TMEM232: variants seen among roughly 807,000 people sequenced by gnomAD.
The protein encoded by TMEM232 is transmembrane protein 232.
Under a neutral mutation model 78.8 loss-of-function variants are expected in TMEM232, and 80 were observed. That is an observed-to-expected ratio of 1.01 (90% CI 0.85 to 1.22). The LOEUF is 1.22. TMEM232 is among the 50% of genes most tolerant of loss of function. The pLI is 0.00. For synonymous variants in TMEM232, 297 were observed against 254.3 expected, an observed-to-expected ratio of 1.17 and a Z score of -1.60; for missense variants, 881 against 742.2, an observed-to-expected ratio of 1.19 and a Z score of -2.17.
chr5:110,461,464 A>T (rs548815527), intron 12 of TMEM232, among the ~76,000 whole-genome samples: 4 of 152,314 alleles, frequency 2.6e-5, no homozygotes, highest in African/African-American at 9.6e-5. Context: ...TTCCTATATC[A>T]TAACAGTGCA....
At chr5:110,713,294 CA>C in intron 1 of TMEM232, among the ~76,000 whole-genome samples, 1 of 151,866 alleles carries the variant, frequency 6.6e-6, no homozygotes, top group Non-Finnish European at 1.5e-5. Flanking sequence ...TTAATAAGTG[CA>C]AAATATTTAT....
Position 110,470,012 on chromosome 5 carries a change from T to C in TMEM232, c.1704-45096A>G, listed in dbSNP as rs369813934. On this transcript the variant is annotated intron_variant, in intron 12 of 13. Transcript: ENST00000455884. ...CCCCAGCAACAGCCATACTCTACCATGTTGGAGTTCGTACTCCTGCTGCAT... is the reference window on the plus strand; with the variant it reads ...CCCCAGCAACAGCCATACTCTACCACGTTGGAGTTCGTACTCCTGCTGCAT... Among the ~76,000 whole-genome samples, 60 of 152,176 alleles carry C rather than the reference T, an allele frequency of 3.9e-4. 2 individuals carry two copies. The South Asian group carries it at 9.5e-3, about 24-fold the overall frequency.
intron 3 of TMEM232, among the ~76,000 whole-genome samples, 166 bp downstream of exon 3, chr5:110,642,094 T>C (rs1233947670): frequency 1.3e-5 from 2 of 152,158 alleles, no homozygotes; most frequent in African/African-American, 2.4e-5. Context: ...CTTTTATTAT[T>C]TGGTTATAAG....
chr5:110,642,939 CCAATG>C (rs1175811080), intron 2 of TMEM232, among the ~76,000 whole-genome samples: 1 of 151,960 alleles, frequency 6.6e-6, no homozygotes, highest in Non-Finnish European at 1.5e-5. Flanking sequence ...GCAAATTTCT[CCAATG>C]CTATACTGAG....
chr5:110,723,315 A>G (rs1426342112), intron 1 of TMEM232, among the ~76,000 whole-genome samples: 2 of 152,182 alleles, frequency 1.3e-5, no homozygotes, highest in Non-Finnish European at 2.9e-5. Context: ...TATGTGTTCA[A>G]TCAGAAACAT....
chr5:110,552,411 T>C (rs1444987057), intron 11 of TMEM232, among the ~76,000 whole-genome samples: 1 of 152,048 alleles, frequency 6.6e-6, no homozygotes, highest in Non-Finnish European at 1.5e-5. Flanking sequence ...CATCAAAAAT[T>C]ACATTACATG....
intron 10 of TMEM232, among the ~76,000 whole-genome samples, chr5:110,589,120 ATATAT>A (rs1779193350): frequency 1.3e-5 from 2 of 152,162 alleles, no homozygotes; most frequent in African/African-American, 4.8e-5. Context: ...TAGTAAAGAT[ATATAT>A]TATAAGTCAT....
intron 3 of TMEM232, among the ~76,000 whole-genome samples, chr5:110,390,953 TACA>T (rs1755154178): frequency 6.6e-6 from 1 of 152,216 alleles, no homozygotes; most frequent in Admixed American, 6.5e-5. Flanking sequence ...TCCATTATAA[TACA>T]CACACTCTAG....
chr5:110,738,504 C>G (rs375702864), upstream of TMEM232, among the ~76,000 whole-genome samples: 24 of 152,216 alleles, frequency 1.6e-4, 2 homozygotes, highest in East Asian at 1.4e-3. Context: ...CTCTGGTGGT[C>G]CACAGTACTT....
chr5:110,713,605 T>G (rs138418550), intron 1 of TMEM232, among the ~76,000 whole-genome samples: 1 of 152,122 alleles, frequency 6.6e-6, no homozygotes, highest in African/African-American at 2.4e-5. Flanking sequence ...ATTTCAAAAT[T>G]TGAAAAACAA....
At chr5:110,391,326 T>TGTGTGTGTGA (rs549361387) in intron 3 of TMEM232, among the ~76,000 whole-genome samples, 30 of 139,920 alleles carry the variant, frequency 2.1e-4, no homozygotes, top group African/African-American at 7.6e-4. Context: ...TGTGTGTGTG[T>TGTGTGTGTGA]GAGAGAGAGA....
At chr5:110,483,019 A>C (rs2149399997) in intron 12 of TMEM232, among the ~76,000 whole-genome samples, 1 of 152,306 alleles carries the variant, frequency 6.6e-6, no homozygotes, top group South Asian at 2.1e-4. Context: ...AGTACTACAT[A>C]AGTATAAAAG....
chr5:110,558,291 G>A (rs1168073612), intron 11 of TMEM232, among the ~76,000 whole-genome samples: 1 of 152,118 alleles, frequency 6.6e-6, no homozygotes, highest in Non-Finnish European at 1.5e-5. Flanking sequence ...CATCAGGGCA[G>A]TGATATGGCA....
chr5:110,507,494 C>G (rs1726448748), intron 12 of TMEM232, among the ~76,000 whole-genome samples: 1 of 152,186 alleles, frequency 6.6e-6, no homozygotes, highest in Non-Finnish European at 1.5e-5. Flanking sequence ...CCAACTCATA[C>G]TTGGCTAAAA....
chr5:110,431,924 A>C (rs1461052607), intron 12 of TMEM232, among the ~76,000 whole-genome samples: 1 of 151,728 alleles, frequency 6.6e-6, no homozygotes, highest in African/African-American at 2.4e-5. Context: ...GTATAATATA[A>C]AAAGAGAAAT....
intron 5 of TMEM232, chr5:110,628,834 T>A (rs1278061374): frequency 6.6e-6 from 1 of 152,084 alleles, no homozygotes. Flanking sequence ...TAAGTAACAT[T>A]ACTGGAATTT....
At chr5:110,629,986 C>G (rs912804784) in intron 5 of TMEM232, among the ~76,000 whole-genome samples, 1 of 152,282 alleles carries the variant, frequency 6.6e-6, no homozygotes, top group East Asian at 1.9e-4. Flanking sequence ...GGAAACAAAA[C>G]TGCATATAGA....
rs574477947 is a variant in TMEM232 at position 110,699,295 on chromosome 5, T to C, written c.-13+27332A>G. On this transcript the variant is annotated intron_variant, in intron 1 of 13. Coordinates refer to ENST00000455884, the MANE Select transcript of TMEM232 (RefSeq NM_001039763.4). ...CCTTAAATACATCCTTGACTTGGTG[T>C]AGACAAAGGAGAGAAGAGGGGAAAA... Among the ~76,000 whole-genome samples, 3 of 152,084 alleles carry C rather than the reference T, an allele frequency of 2.0e-5. No individual in the cohort carries two copies. In the East Asian group the frequency reaches 5.8e-4, roughly 29 times the overall value.
chr5:110,491,023 A>G (rs1296101372), intron 12 of TMEM232, among the ~76,000 whole-genome samples: 2 of 152,130 alleles, frequency 1.3e-5, no homozygotes, highest in Non-Finnish European at 1.5e-5. Flanking sequence ...GATAAACCCT[A>G]TCAAGAAAGT....
Sources: gnomAD v4.1 joint callset for allele counts (sites outside exome capture counted in the v4.1 genomes callset) on GRCh38, gnomAD v4.1.1 for gene constraint, MANE v1.5 for transcripts, NCBI Gene and HGNC (gene_info 2026-07-23, HGNC 2026-07-21) for gene names.